Variants in TMOD3 observed in about 807,000 individuals in gnomAD.
TMOD3 encodes the protein tropomodulin-3.
A neutral mutation model predicts 39.2 loss-of-function variants in TMOD3; 20 were observed. The ratio of observed to expected loss-of-function variants is 0.51; its 90% CI spans 0.36 to 0.74. The LOEUF (loss-of-function observed/expected upper bound fraction) is 0.74. TMOD3 is among the 30% of genes least tolerant of loss of function. The pLI is 0.00. For missense variants in TMOD3, 381 were observed against 412.8 expected (o/e 0.92, Z 0.67); for synonymous variants, 143 against 145.8 (o/e 0.98, Z 0.14).
chr15:51,860,011 C>G, intron 1 of TMOD3: 2 of 540,900 alleles, frequency 3.7e-6, no homozygotes, highest in South Asian at 2.8e-5. Flanking sequence ...TCCACATGGC[C>G]TCCCTTGGCA....
At chr15:51,847,503 A>G (rs2056341713) in intron 1 of TMOD3, among the ~76,000 whole-genome samples, 1 of 152,220 alleles carries the variant, frequency 6.6e-6, no homozygotes, top group Non-Finnish European at 1.5e-5. Context: ...ATCTGAGTCA[A>G]CAAACCGTAG....
At chr15:51,877,662 G>A (rs2570261) in intron 3 of TMOD3, among the ~76,000 whole-genome samples, 7,357 of 150,198 alleles carry the variant, frequency 0.049, 415 homozygotes, top group African/African-American at 0.12. Context: ...CCTGGGCAAC[G>A]AGAGCAAAAC....
At chr15:51,879,457 T>G (rs1689198676) in intron 3 of TMOD3, among the ~76,000 whole-genome samples, 1 of 152,082 alleles carries the variant, frequency 6.6e-6, no homozygotes, top group African/African-American at 2.4e-5. Context: ...TTTTGCTATC[T>G]TAAATAAGGA....
intron 1 of TMOD3, among the ~76,000 whole-genome samples, chr15:51,861,894 C>T (rs535524055): frequency 2.0e-5 from 3 of 152,062 alleles, no homozygotes; most frequent in African/African-American, 4.8e-5. Context: ...TCACCTGCCT[C>T]GGACTCCCAA....
At chr15:51,840,862 T>C (rs1338211833) in intron 1 of TMOD3, among the ~76,000 whole-genome samples, 2 of 152,254 alleles carry the variant, frequency 1.3e-5, no homozygotes, top group Non-Finnish European at 2.9e-5. Context: ...CTTTTCCTTT[T>C]CTTTTATCTC....
chr15:51,897,763 G>A (rs1367247065), intron 7 of TMOD3, among the ~76,000 whole-genome samples: 5 of 139,870 alleles, frequency 3.6e-5, no homozygotes, highest in Non-Finnish European at 7.6e-5. Flanking sequence ...GATTACAGGC[G>A]TGAGCCACCA....
intron 1 of TMOD3, chr15:51,833,190 C>T (rs2056264857): frequency 6.6e-6 from 1 of 152,204 alleles, no homozygotes; most frequent in Non-Finnish European, 1.5e-5. Flanking sequence ...TGTGAACATA[C>T]ATTCTGTTAT....
intron 9 of TMOD3, among the ~76,000 whole-genome samples, chr15:51,903,983 G>A (rs943174205): frequency 2.0e-5 from 3 of 152,164 alleles, no homozygotes; most frequent in Non-Finnish European, 4.4e-5. Flanking sequence ...CTCCTGTTAT[G>A]CAGGATAAGC....
At chr15:51,907,266 C>G (rs1193527496) in intron 9 of TMOD3, 1 of 152,130 alleles carries the variant, frequency 6.6e-6, no homozygotes, top group East Asian at 1.9e-4. Context: ...TGGCCCCTTG[C>G]AAGGATGACA....
intron 1 of TMOD3, chr15:51,859,272 A>T: frequency 1.4e-6 from 1 of 738,664 alleles, no homozygotes; most frequent in South Asian, 1.3e-5. Context: ...TCGCCAGTAG[A>T]TCTGTCTGCA....
intron 3 of TMOD3, among the ~76,000 whole-genome samples, chr15:51,875,519 A>G (rs1386359325): frequency 1.3e-5 from 2 of 151,702 alleles, no homozygotes; most frequent in East Asian, 1.9e-4. Flanking sequence ...AACCGGTTTC[A>G]TGGGGAACAT....
chr15:51,852,655 G>A (rs1351265720), intron 1 of TMOD3, among the ~76,000 whole-genome samples: 1 of 152,106 alleles, frequency 6.6e-6, no homozygotes, highest in Non-Finnish European at 1.5e-5. Context: ...TTAGAGTTTG[G>A]GAGCAAGAGG....
rs2056696124 is a variant in TMOD3, at chr15:51,908,923, A to G, written c.*113A>G. ...GGGAAAAGACTGGAAAAATTTTTTT[A>G]GTGACATGCATTTTTTTTTTAGTTG... On this transcript the variant is annotated 3_prime_UTR_variant, in exon 10 of 10. Coordinates refer to ENST00000308580, the MANE Select transcript of TMOD3 (RefSeq NM_014547.5). 2 of 680,260 alleles carry G rather than the reference A, an allele frequency of 2.9e-6. No homozygotes were observed. The highest frequency in any genetic ancestry group is 3.5e-5 in the Admixed American group (1 of 28,446). The allele number at this position is 680,260 out of a possible 1,614,324, so 42.1% of individuals were successfully genotyped here. A position where few individuals can be genotyped will look rare whatever the true frequency, so the allele number is the denominator to read the frequency against.
chr15:51,904,430 G>T (rs2056667748), intron 9 of TMOD3, among the ~76,000 whole-genome samples: 1 of 152,178 alleles, frequency 6.6e-6, no homozygotes, highest in South Asian at 2.1e-4. Flanking sequence ...TAAATAAGTG[G>T]TAGAATTTGA....
In TMOD3 at chr15:51,911,859, C is replaced by T. The variant is rs2056713419; in HGVS notation, c.*3049C>T. On this transcript the variant is annotated 3_prime_UTR_variant, in exon 10 of 10. Coordinates refer to ENST00000308580, the MANE Select transcript of TMOD3 (RefSeq NM_014547.5). The stretch of plus-strand genomic sequence containing the variant: ...AATTCTCAAGAATAGGTGAAATACA[C>T]TTTCAAAGTTGCCTGTCATTTAAAA... 6.6e-6 allele frequency: 1 copy of T among 152,150 alleles called. No individual in the cohort carries two copies. Among genetic ancestry groups the T allele is most frequent in the African/African-American group, 2.4e-5 (1 of 41,430 alleles). The allele number at this position is 152,150 out of a possible 1,614,324, so 9.4% of individuals were successfully genotyped here.
intron 1 of TMOD3, among the ~76,000 whole-genome samples, chr15:51,851,093 G>A (rs1224255058): frequency 6.6e-6 from 1 of 152,156 alleles, no homozygotes; most frequent in Admixed American, 6.6e-5. Context: ...AGTCAAAGAT[G>A]TTGAGAGTTA....
chr15:51,842,182 C>T (rs1015468581), intron 1 of TMOD3, among the ~76,000 whole-genome samples: 1 of 152,158 alleles, frequency 6.6e-6, no homozygotes, highest in African/African-American at 2.4e-5. Context: ...TGAGGCATTT[C>T]TGCTTCTGTG....
chr15:51,898,899 A>C (rs1051920056), intron 7 of TMOD3: 2 of 145,008 alleles, frequency 1.4e-5, no homozygotes, highest in South Asian at 2.2e-4. Flanking sequence ...TTCTTTTTTC[A>C]CTTGTAGGCT....
At chr15:51,905,771 C>T (rs930571684) in intron 9 of TMOD3, among the ~76,000 whole-genome samples, 1 of 151,574 alleles carries the variant, frequency 6.6e-6, no homozygotes, top group Admixed American at 6.6e-5. Flanking sequence ...GGTGAAACCC[C>T]GTCTCTACTA....
Sources: gnomAD v4.1 joint callset for allele counts (sites outside exome capture counted in the v4.1 genomes callset) on GRCh38, gnomAD v4.1.1 for gene constraint, MANE v1.5 for transcripts, NCBI Gene and HGNC (gene_info 2026-07-23, HGNC 2026-07-21) for gene names.